The following NRXN3 variants were observed in gnomAD, a reference collection of about 807,000 sequenced individuals.
The protein encoded by NRXN3 is neurexin III.
A neutral mutation model predicts 137.6 loss-of-function variants in NRXN3; 32 were observed. The observed-to-expected ratio is 0.23, with a 90% CI of 0.18 to 0.31. The LOEUF (loss-of-function observed/expected upper bound fraction) is 0.31. NRXN3 is among the 10% of genes least tolerant of loss of function. The pLI, the probability that NRXN3 is intolerant of heterozygous loss-of-function variation, is 1.00. For missense variants in NRXN3, 1,574 were observed against 2,062.5 expected, an observed-to-expected ratio of 0.76 and a Z score of 4.59; for synonymous variants, 798 against 784.5, an observed-to-expected ratio of 1.02 and a Z score of -0.29.
At chr14:78,176,367 T>C (rs2059267346) in intron 1 of NRXN3, among the ~76,000 whole-genome samples, 1 of 146,110 alleles carries the variant, frequency 6.8e-6, no homozygotes, top group Non-Finnish European at 1.5e-5. Context: ...ATTTACAAAG[T>C]TCTCTTCCAA....
At chr14:79,507,704 A>G (rs530616799) in intron 16 of NRXN3, among the ~76,000 whole-genome samples, 18 of 152,268 alleles carry the variant, frequency 1.2e-4, no homozygotes, top group African/African-American at 4.1e-4. Flanking sequence ...ATCAAAGCCC[A>G]AACCATACCC....
chr14:79,817,241 CG>C (rs1372748699), intron 20 of NRXN3, among the ~76,000 whole-genome samples: 2 of 151,996 alleles, frequency 1.3e-5, no homozygotes, highest in Admixed American at 1.3e-4. Context: ...TTAGTAGAGA[CG>C]GGGTTTTACC....
chr14:78,315,451 A>G (rs2078592679), intron 4 of NRXN3, among the ~76,000 whole-genome samples: 1 of 152,254 alleles, frequency 6.6e-6, no homozygotes, highest in South Asian at 2.1e-4. Context: ...ATGATCAGGT[A>G]AATTTGAGAC....
chr14:78,330,378 T>C (rs1259981964), intron 4 of NRXN3, among the ~76,000 whole-genome samples: 1 of 151,994 alleles, frequency 6.6e-6, no homozygotes, highest in Non-Finnish European at 1.5e-5. Flanking sequence ...GTTTTTTTCC[T>C]CCAGAACACT....
intron 15 of NRXN3, among the ~76,000 whole-genome samples, chr14:79,100,946 A>C (rs1288435975): frequency 6.6e-6 from 1 of 152,206 alleles, no homozygotes; most frequent in Non-Finnish European, 1.5e-5. Flanking sequence ...ATTGATGTGA[A>C]TGTTGAAACA....
At chr14:79,719,162 A>G (rs1231070543) in intron 19 of NRXN3, among the ~76,000 whole-genome samples, 1 of 151,234 alleles carries the variant, frequency 6.6e-6, no homozygotes, top group African/African-American at 2.4e-5. Context: ...TTATCTCTTC[A>G]CTCGGGTCTC....
At chr14:78,999,996 A>C (rs2099538166) in intron 15 of NRXN3, among the ~76,000 whole-genome samples, 1 of 152,208 alleles carries the variant, frequency 6.6e-6, no homozygotes, top group African/African-American at 2.4e-5. Context: ...TGCATTATAT[A>C]CTGAAAATGT....
intron 16 of NRXN3, among the ~76,000 whole-genome samples, chr14:79,549,945 TTCTCATA>T (rs1421144590): frequency 4.7e-5 from 7 of 147,838 alleles, no homozygotes; most frequent in African/African-American, 1.7e-4. Flanking sequence ...TACAGGTTAC[TTCTCATA>T]TTGTTGGGTG....
At chr14:78,489,567 T>C (rs1599364237) in intron 4 of NRXN3, among the ~76,000 whole-genome samples, 1 of 152,148 alleles carries the variant, frequency 6.6e-6, no homozygotes, top group Non-Finnish European at 1.5e-5. Context: ...TTTTATGATT[T>C]CCAAGCCTCT....
intron 15 of NRXN3, among the ~76,000 whole-genome samples, chr14:79,386,591 G>GA: frequency 6.6e-6 from 1 of 152,186 alleles, no homozygotes; most frequent in Non-Finnish European, 1.5e-5. Context: ...CACAGAGTTG[G>GA]AAAAAACTAC....
chr14:79,434,810 C>T (rs984266943), intron 15 of NRXN3, among the ~76,000 whole-genome samples: 2 of 152,156 alleles, frequency 1.3e-5, no homozygotes, highest in African/African-American at 2.4e-5. Flanking sequence ...GCCAGTCCCA[C>T]GGTGAGCTCT....
intron 4 of NRXN3, among the ~76,000 whole-genome samples, chr14:78,317,724 A>G (rs1195008734): frequency 6.6e-6 from 1 of 152,236 alleles, no homozygotes; most frequent in Non-Finnish European, 1.5e-5. Context: ...ACAATGTTTA[A>G]TCAGAGTACT....
In NRXN3 at chr14:79,665,779, C is replaced by A. The variant is rs376456667; in HGVS notation, c.3616+1830C>A. On this transcript the variant is annotated intron_variant, in intron 17 of 20. Transcript: ENST00000335750. ...TATGTAACCAAACCGGAGATTCTTG[C>A]TGTGCGCCTATCTTTTGGTGTCTTT... Among the ~76,000 whole-genome samples the A allele has an allele frequency of 9.9e-5, 15 of 152,266 alleles. No individual in the cohort carries two copies. In the East Asian group the frequency reaches 1.7e-3, roughly 18 times the overall value.
At chr14:78,262,853 C>T (rs2071002965) in intron 2 of NRXN3, among the ~76,000 whole-genome samples, 1 of 152,168 alleles carries the variant, frequency 6.6e-6, no homozygotes, top group Admixed American at 6.5e-5. Context: ...ATCTATTGAC[C>T]TCTTACTACG....
At chr14:79,810,215 C>A (rs1434072491) in intron 20 of NRXN3, among the ~76,000 whole-genome samples, 1 of 152,024 alleles carries the variant, frequency 6.6e-6, no homozygotes, top group Non-Finnish European at 1.5e-5. Context: ...AAAAGTAATA[C>A]TTTTATACCT....
chr14:79,818,131 G>A lies in NRXN3; in HGVS notation c.4093+12941G>A, dbSNP rs148698929. Among the ~76,000 whole-genome samples, 1,561 of 136,660 alleles carry A rather than the reference G, an allele frequency of 0.011. 58 individuals carry two copies. The East Asian group carries it at 0.12, about 10-fold the overall frequency. 89.7% of individuals were successfully genotyped at this position (136,660 alleles called of 152,430 possible). ...TGCAGTGGCGCGATCTCGGCTCACT[G>A]CAAGCTCCGCCTCCCGGGTTCACGC... is the stretch of plus-strand genomic sequence containing the variant. On this transcript the variant is annotated intron_variant, in intron 20 of 20. Transcript: ENST00000335750.
chr14:79,719,912 G>A (rs979061923), intron 19 of NRXN3, among the ~76,000 whole-genome samples: 2 of 152,102 alleles, frequency 1.3e-5, no homozygotes, highest in Non-Finnish European at 2.9e-5. Context: ...TTAGAATAGT[G>A]TCTGTTGCAT....
chr14:79,765,662 C>G (rs1228553373), intron 19 of NRXN3, among the ~76,000 whole-genome samples: 1 of 152,128 alleles, frequency 6.6e-6, no homozygotes, highest in African/African-American at 2.4e-5. Flanking sequence ...TTTAGCAAAT[C>G]ACATAGTGCC....
At chr14:78,482,166 T>C (rs1450285929) in intron 4 of NRXN3, among the ~76,000 whole-genome samples, 1 of 152,210 alleles carries the variant, frequency 6.6e-6, no homozygotes, top group Non-Finnish European at 1.5e-5. Context: ...ATATCTTTTC[T>C]CAAACTCCAA....
Sources: allele counts gnomAD v4.1 joint callset (sites outside exome capture counted in the v4.1 genomes callset), GRCh38; gene constraint gnomAD v4.1.1; transcripts MANE v1.5; gene names NCBI Gene and HGNC (gene_info 2026-07-23, HGNC 2026-07-21).